The following RANBP3 variants were observed in gnomAD, a reference collection of about 807,000 sequenced individuals.
RANBP3 encodes ran-binding protein 3.
RANBP3 carries 14 observed loss-of-function variants against 77.3 expected under a neutral mutation model. The ratio of observed to expected loss-of-function variants is 0.18; its 90% CI spans 0.12 to 0.28. The LOEUF (loss-of-function observed/expected upper bound fraction) is 0.28. RANBP3 is among the 10% of genes least tolerant of loss of function. The pLI is 1.00. For missense variants in RANBP3, 586 were observed against 752.3 expected (o/e 0.78, Z 2.59); for synonymous variants, 315 against 312.4 (o/e 1.01, Z -0.09).
chr19:5,956,102 G>A (rs955027333), intron 2 of RANBP3, among the ~76,000 whole-genome samples: 2 of 152,020 alleles, frequency 1.3e-5, no homozygotes, highest in African/African-American at 2.4e-5. Flanking sequence ...GTGAGGCTCC[G>A]TCTCTCAAAG....
intron 13 of RANBP3, among the ~76,000 whole-genome samples, chr19:5,922,240 G>A (rs1316991477): frequency 6.6e-6 from 1 of 152,100 alleles, no homozygotes. Context: ...CAGCAGTTTT[G>A]TATATATAAA....
chr19:5,933,630 C>T (rs980313019), intron 5 of RANBP3, 151 bp from the exon 6 acceptor site: 4 of 580,528 alleles, frequency 6.9e-6, no homozygotes, highest in Admixed American at 3.3e-5. Flanking sequence ...ACAGAAGTCT[C>T]GTCCGATCAG....
intron 1 of RANBP3, among the ~76,000 whole-genome samples, chr19:5,968,613 C>A (rs941811199): frequency 4.6e-5 from 7 of 152,224 alleles, no homozygotes; most frequent in Non-Finnish European, 1.0e-4. Context: ...AGTCTGACCC[C>A]TTTTAGGGGG....
rs539477884 is a variant in RANBP3 at position 5,937,257 on chromosome 19, T to C, written c.407-3778A>G. 2.0e-5 allele frequency among the ~76,000 whole-genome samples: 3 copies of C among 152,046 alleles called. No individual in the cohort carries two copies. The South Asian group carries it at 6.2e-4, about 32-fold the overall frequency. ...AAAGTAGCTTTACAGTGGTGAAACCTGGCAGACAGCACCCTGATCGAGGAG... is the reference window on the plus strand; with the variant it reads ...AAAGTAGCTTTACAGTGGTGAAACCCGGCAGACAGCACCCTGATCGAGGAG... On this transcript the variant is annotated intron_variant, in intron 5 of 16. Transcript: ENST00000340578.
intron 6 of RANBP3, chr19:5,933,098 G>C: frequency 2.8e-6 from 1 of 361,792 alleles, no homozygotes; most frequent in East Asian, 5.4e-5. Flanking sequence ...TGGTATGTGG[G>C]GGCCAGAACA....
chr19:5,949,455 G>A (rs570250082), intron 3 of RANBP3, among the ~76,000 whole-genome samples: 1 of 152,370 alleles, frequency 6.6e-6, no homozygotes, highest in Admixed American at 6.5e-5. Context: ...TCAGCTCAGA[G>A]CTGTCACAAG....
chr19:5,935,102 A>C (rs899116431), intron 5 of RANBP3, among the ~76,000 whole-genome samples: 2 of 152,210 alleles, frequency 1.3e-5, no homozygotes, highest in African/African-American at 4.8e-5. Context: ...TTGTACACTA[A>C]AACGATGACA....
intron 12 of RANBP3, 145 bp from the exon 13 acceptor site, chr19:5,923,448 G>A: frequency 1.4e-6 from 1 of 717,664 alleles, no homozygotes; most frequent in East Asian, 2.7e-5. Flanking sequence ...AACCCAAGTG[G>A]ACCCTAGACA....
In RANBP3 at chr19:5,951,685, T is replaced by C. The variant is rs892509088; in HGVS notation, c.79-89A>G. On this transcript the variant is annotated intron_variant, in intron 2 of 16. Transcript: ENST00000340578. ...GCGGGCAGGGGTCAGAGGCTGGAGC[T>C]GGCTCAGCTTGCAGCAGCTCCTGCG... The C allele has an allele frequency of 5.7e-6, 7 of 1,222,542 alleles. 1 individual carries two copies. In the South Asian group the frequency reaches 9.1e-5, roughly 16 times the overall value. 75.7% of individuals were successfully genotyped at this position (1,222,542 alleles called of 1,614,324 possible). A position where few individuals can be genotyped will look rare whatever the true frequency, so the allele number is the denominator to read the frequency against.
chr19:5,935,649 C>A (rs751291888), intron 5 of RANBP3: 1 of 451,544 alleles, frequency 2.2e-6, no homozygotes, highest in South Asian at 1.6e-5. Flanking sequence ...AGCTGCCAAG[C>A]GGAAGCAGGA....
chr19:5,977,465 G>A (rs1043981838), intron 1 of RANBP3, among the ~76,000 whole-genome samples: 1 of 152,144 alleles, frequency 6.6e-6, no homozygotes, highest in Non-Finnish European at 1.5e-5. Context: ...CCTAAATGAG[G>A]GGGAGACGAA....
At chr19:5,961,989 A>G (rs1270623790) in intron 1 of RANBP3, among the ~76,000 whole-genome samples, 3 of 151,624 alleles carry the variant, frequency 2.0e-5, no homozygotes, top group Non-Finnish European at 2.9e-5. Flanking sequence ...CACAGACACC[A>G]TCTCCTTCAG....
intron 3 of RANBP3, among the ~76,000 whole-genome samples, chr19:5,943,750 C>T (rs1385712317): frequency 6.6e-6 from 1 of 152,190 alleles, no homozygotes; most frequent in East Asian, 1.9e-4. Flanking sequence ...GGCTGATTAT[C>T]ACTATCCCCA....
chr19:5,930,996 C>T (rs1233239763), intron 8 of RANBP3, among the ~76,000 whole-genome samples: 1 of 152,200 alleles, frequency 6.6e-6, no homozygotes, highest in Admixed American at 6.5e-5. Context: ...TTAAACATTG[C>T]AAGACACCCA....
At chr19:5,967,118 C>T (rs927642374) in intron 1 of RANBP3, among the ~76,000 whole-genome samples, 3 of 152,362 alleles carry the variant, frequency 2.0e-5, no homozygotes, top group Admixed American at 2.0e-4. Flanking sequence ...TGATCTCAAA[C>T]ATGCAGTTGC....
At chr19:5,935,891 C>G (rs1485679558) in intron 5 of RANBP3, 7 of 444,462 alleles carry the variant, frequency 1.6e-5, no homozygotes, top group African/African-American at 1.4e-4. Flanking sequence ...GAGCCCGACG[C>G]CTGCCACATA....
intron 9 of RANBP3, among the ~76,000 whole-genome samples, chr19:5,925,943 G>A (rs928894197): frequency 3.9e-5 from 6 of 152,144 alleles, no homozygotes; most frequent in Non-Finnish European, 5.9e-5. Context: ...AGTTAGGATG[G>A]AAAGAGAGCT....
At chr19:5,962,615 C>T (rs1380728193) in intron 1 of RANBP3, 5 of 455,032 alleles carry the variant, frequency 1.1e-5, no homozygotes, top group Admixed American at 2.4e-5. Context: ...TGGCCCATCT[C>T]GGCCCATTGG....
At chr19:5,923,408 G>T (rs574376954) in intron 12 of RANBP3, 105 bp from the exon 13 acceptor site, 14 of 1,156,536 alleles carry the variant, frequency 1.2e-5, no homozygotes, top group Non-Finnish European at 1.8e-5. Flanking sequence ...TCTCAAGGAC[G>T]CCTGCTGCCC....
Sources: allele counts gnomAD v4.1 joint callset (sites outside exome capture counted in the v4.1 genomes callset), GRCh38; gene constraint gnomAD v4.1.1; transcripts MANE v1.5; gene names NCBI Gene and HGNC (gene_info 2026-07-23, HGNC 2026-07-21).